DCC: variants seen among roughly 807,000 people sequenced by gnomAD.
DCC encodes the protein netrin receptor DCC.
A neutral mutation model predicts 172.5 loss-of-function variants in DCC; 58 were observed. The ratio of observed to expected loss-of-function variants is 0.34; its 90% CI spans 0.27 to 0.42. The LOEUF (loss-of-function observed/expected upper bound fraction) is 0.42, where lower values mean the gene tolerates loss of function less well. DCC is among the 10% of genes least tolerant of loss of function. DCC has a pLI of 1.00. For synonymous variants in DCC, 709 were observed against 644.5 expected (o/e 1.10, Z -1.52); for missense variants, 1,740 against 1,791.0 (o/e 0.97, Z 0.51).
At chr18:52,398,857 C>T (rs547118612) in intron 1 of DCC, among the ~76,000 whole-genome samples, 10 of 151,856 alleles carry the variant, frequency 6.6e-5, no homozygotes, top group African/African-American at 1.9e-4. Context: ...TAATTAGGTT[C>T]GGTGTATACC....
At chr18:52,853,594 C>G (rs545442299) in intron 2 of DCC, among the ~76,000 whole-genome samples, 2 of 152,296 alleles carry the variant, frequency 1.3e-5, no homozygotes, top group South Asian at 4.1e-4. Flanking sequence ...CACGATTTCT[C>G]TGTTCTCTGT....
intron 1 of DCC, among the ~76,000 whole-genome samples, chr18:52,467,030 A>C (rs1399832774): frequency 1.5e-5 from 2 of 133,702 alleles, no homozygotes; most frequent in African/African-American, 5.8e-5. Context: ...TTCTTGCTGT[A>C]AAAGTGGTTT....
chr18:53,503,806 T>C (rs1375703396), intron 27 of DCC, among the ~76,000 whole-genome samples: 3 of 152,216 alleles, frequency 2.0e-5, no homozygotes, highest in African/African-American at 7.2e-5. Context: ...CCCCTGGACC[T>C]CTTGCAACTT....
intron 1 of DCC, among the ~76,000 whole-genome samples, chr18:52,660,472 G>A (rs1382240575): frequency 6.6e-6 from 1 of 152,104 alleles, no homozygotes; most frequent in Admixed American, 6.6e-5. Flanking sequence ...TTGTATGACT[G>A]CCTTGCTCTG....
chr18:52,516,431 C>T (rs968001613), intron 1 of DCC, among the ~76,000 whole-genome samples: 1 of 152,142 alleles, frequency 6.6e-6, no homozygotes, highest in Non-Finnish European at 1.5e-5. Flanking sequence ...GATTGGTGGG[C>T]CACACCAAAG....
chr18:52,471,622 C>A (rs1436967077), intron 1 of DCC, among the ~76,000 whole-genome samples: 1 of 152,132 alleles, frequency 6.6e-6, no homozygotes, highest in Non-Finnish European at 1.5e-5. Context: ...AAGCTGAAAT[C>A]CCGGCATGAG....
chr18:53,425,442 C>G (rs537975151), intron 21 of DCC, among the ~76,000 whole-genome samples: 1 of 145,004 alleles, frequency 6.9e-6, no homozygotes, highest in African/African-American at 2.5e-5. Flanking sequence ...TCACTGCAAT[C>G]TCTGCCTCCT....
At chr18:53,071,572 C>T (rs2042651774) in intron 7 of DCC, among the ~76,000 whole-genome samples, 1 of 152,136 alleles carries the variant, frequency 6.6e-6, no homozygotes, top group African/African-American at 2.4e-5. Flanking sequence ...ACACATGAGA[C>T]TTTGCATATA....
At chr18:53,296,139 AAT>A (rs144397910) in intron 12 of DCC, among the ~76,000 whole-genome samples, 3,256 of 152,250 alleles carry the variant, frequency 0.021, 129 homozygotes, top group African/African-American at 0.074. Flanking sequence ...TCAGTGCACA[AAT>A]AAGTAGGTCC....
At chr18:53,199,585 A>G (rs972690327) in intron 9 of DCC, among the ~76,000 whole-genome samples, 1 of 135,966 alleles carries the variant, frequency 7.4e-6, no homozygotes, top group Non-Finnish European at 1.6e-5. Context: ...TAAATAATAT[A>G]TTCTTCATAT....
intron 27 of DCC, among the ~76,000 whole-genome samples, chr18:53,516,883 A>G (rs1320068520): frequency 5.6e-5 from 8 of 143,368 alleles, no homozygotes; most frequent in African/African-American, 2.3e-4. Flanking sequence ...TGTGGAAGTC[A>G]GTGTGGCGAT....
chr18:53,376,775 C>A (rs1907319277), intron 15 of DCC, among the ~76,000 whole-genome samples: 1 of 152,138 alleles, frequency 6.6e-6, no homozygotes, highest in African/African-American at 2.4e-5. Flanking sequence ...GCAGAAATAT[C>A]TTTTCTCCCC....
chr18:53,009,245 G>A (rs1301290116), intron 5 of DCC, among the ~76,000 whole-genome samples: 1 of 151,858 alleles, frequency 6.6e-6, no homozygotes, highest in Non-Finnish European at 1.5e-5. Flanking sequence ...TCCTATAAAT[G>A]TATTTATAAG....
chr18:52,387,010 G>T (rs1985826071), intron 1 of DCC, among the ~76,000 whole-genome samples: 1 of 152,034 alleles, frequency 6.6e-6, no homozygotes, highest in Admixed American at 6.5e-5. Flanking sequence ...AGCAGAAAGG[G>T]CAGAGTAGCT....
intron 2 of DCC, among the ~76,000 whole-genome samples, chr18:52,760,161 T>A (rs1356420010): frequency 6.6e-6 from 1 of 152,178 alleles, no homozygotes; most frequent in Non-Finnish European, 1.5e-5. Context: ...TCAGGAGACT[T>A]GTAATCATGG....
chr18:52,533,503 T>A (rs1354913824), intron 1 of DCC, among the ~76,000 whole-genome samples: 1 of 152,142 alleles, frequency 6.6e-6, no homozygotes, highest in Non-Finnish European at 1.5e-5. Context: ...TATTTAATCT[T>A]ATGGGATTGA....
intron 1 of DCC, among the ~76,000 whole-genome samples, chr18:52,530,674 C>A (rs1212780539): frequency 6.6e-6 from 1 of 152,116 alleles, no homozygotes; most frequent in African/African-American, 2.4e-5. Flanking sequence ...AATGAAATTA[C>A]CAAAAACTGA....
At chr18:53,495,815 C>A (rs946080676) in intron 26 of DCC, among the ~76,000 whole-genome samples, 2 of 152,160 alleles carry the variant, frequency 1.3e-5, no homozygotes, top group Non-Finnish European at 2.9e-5. Flanking sequence ...TTGTTCATTT[C>A]TTTTCACTCT....
intron 15 of DCC, among the ~76,000 whole-genome samples, chr18:53,357,761 C>G (rs1489419115): frequency 6.6e-6 from 1 of 152,138 alleles, no homozygotes; most frequent in African/African-American, 2.4e-5. Context: ...CCCAAAGTAT[C>G]TTACTGAGAG....
Sources: allele counts gnomAD v4.1 joint callset (sites outside exome capture counted in the v4.1 genomes callset), GRCh38; gene constraint gnomAD v4.1.1; transcripts MANE v1.5; gene names NCBI Gene and HGNC (gene_info 2026-07-23, HGNC 2026-07-21).